The following KDM2B variants were observed in gnomAD, a reference collection of about 807,000 sequenced individuals.
The protein encoded by KDM2B is lysine demethylase 2B.
In KDM2B, 26 loss-of-function variants were observed where a neutral mutation model predicts 150.0. The observed-to-expected ratio is 0.17, with a 90% CI of 0.13 to 0.24. The LOEUF (loss-of-function observed/expected upper bound fraction) is 0.24. Among genes scored for constraint, KDM2B ranks in the 10% least tolerant of loss-of-function variants. The pLI, the probability that KDM2B is intolerant of heterozygous loss-of-function variation, is 1.00. For synonymous variants in KDM2B, 734 were observed against 729.5 expected (o/e 1.01, Z -0.10); for missense variants, 1,265 against 1,816.9 (o/e 0.70, Z 5.52).
chr12:121,462,743 C>T (rs1555293965), intron 12 of KDM2B, among the ~76,000 whole-genome samples: 1 of 152,034 alleles, frequency 6.6e-6, no homozygotes, highest in East Asian at 1.9e-4. Flanking sequence ...TCGCCCGTCT[C>T]AGCCTCCCAA....
intron 6 of KDM2B, among the ~76,000 whole-genome samples, chr12:121,545,562 G>A (rs1435430373): frequency 6.6e-6 from 1 of 152,042 alleles, no homozygotes; most frequent in Admixed American, 6.6e-5. Context: ...TGAAATCTGT[G>A]TCACCCAGCG....
rs1258230028 is a variant in KDM2B, at chr12:121,520,404, A to G, written c.1047+581T>C. ...AGGGAAACTTGACGTCTGGGAAACTAGCACCGTCCCTGTCAAGGGCAGAGA... is the reference window on the plus strand; with the variant it reads ...AGGGAAACTTGACGTCTGGGAAACTGGCACCGTCCCTGTCAAGGGCAGAGA... On this transcript the variant is annotated intron_variant, in intron 9 of 22. Transcript: ENST00000377071. The surrounding 1 kb of genome is among the most constrained non-coding windows in gnomAD (Gnocchi z 4.5). Among the ~76,000 whole-genome samples the G allele has an allele frequency of 6.6e-6, 1 of 152,088 alleles. No homozygotes were observed. Among genetic ancestry groups the G allele is most frequent in the African/African-American group, 2.4e-5 (1 of 41,408 alleles).
the KDM2B span, among the ~76,000 whole-genome samples, chr12:121,422,517 C>T: frequency 2.0e-5 from 3 of 152,222 alleles, no homozygotes; most frequent in East Asian, 1.9e-4. Flanking sequence ...CACCAGTAGT[C>T]GTGGGCCATG....
intron 22 of KDM2B, among the ~76,000 whole-genome samples, chr12:121,436,021 T>G (rs1434274749): frequency 1.3e-5 from 2 of 151,956 alleles, no homozygotes; most frequent in African/African-American, 4.8e-5. Context: ...GAGAAGAAAA[T>G]AAAACAATCA....
intron 12 of KDM2B, among the ~76,000 whole-genome samples, chr12:121,458,006 G>A (rs1878528616): frequency 6.6e-6 from 1 of 152,178 alleles, no homozygotes; most frequent in Non-Finnish European, 1.5e-5. Context: ...AGACATCCGT[G>A]TTCATGAATT....
At chr12:121,410,111 G>A in the KDM2B span, among the ~76,000 whole-genome samples, 1 of 151,988 alleles carries the variant, frequency 6.6e-6, no homozygotes, top group Non-Finnish European at 1.5e-5. Flanking sequence ...CCAAGATCGT[G>A]CCATCGCACT....
chr12:121,443,340 G>GC (rs1385264324), intron 17 of KDM2B: 2 of 578,526 alleles, frequency 3.5e-6, no homozygotes, highest in East Asian at 5.9e-5. Flanking sequence ...CTGGAGCACA[G>GC]CCCTGTGGGA....
intron 22 of KDM2B, among the ~76,000 whole-genome samples, chr12:121,432,776 C>T (rs1555285846): frequency 6.6e-6 from 1 of 152,248 alleles, no homozygotes; most frequent in Non-Finnish European, 1.5e-5. Flanking sequence ...CGTCTCATTC[C>T]TTACTCAGAT....
Position 121,501,557 on chromosome 12 carries a change from T to C in KDM2B, c.1648-6892A>G, listed in dbSNP as rs536372190. On this transcript the variant is annotated intron_variant, in intron 11 of 22. Coordinates refer to ENST00000377071, the MANE Select transcript of KDM2B (RefSeq NM_032590.5). ...GCGAGCAGAGCCCCGCTGACTCTTT[T>C]ATTTCTGACTTCTGGCCCCCCAGGA... Among the ~76,000 whole-genome samples, 127 of 152,290 alleles carry C rather than the reference T, an allele frequency of 8.3e-4. 1 individual carries two copies. The highest frequency in any genetic ancestry group is 1.2e-3 in the Non-Finnish European group (84 of 68,024).
intron 4 of KDM2B, among the ~76,000 whole-genome samples, chr12:121,563,734 C>T (rs1431477897): frequency 1.3e-5 from 2 of 151,760 alleles, no homozygotes; most frequent in South Asian, 2.1e-4. Context: ...GCCTGGCCAA[C>T]GTGGTGAAAC....
Position 121,430,138 on chromosome 12 carries a change from G to C in KDM2B, c.*150C>G, listed in dbSNP as rs1555285103. ...GGCTCACTCATCCCCCAAACGGGTGGTTGAACAGCTTCTCCCTTGGAAAGA... is the reference window on the plus strand; with the variant it reads ...GGCTCACTCATCCCCCAAACGGGTGCTTGAACAGCTTCTCCCTTGGAAAGA... On this transcript the variant is annotated 3_prime_UTR_variant, in exon 23 of 23. Coordinates refer to ENST00000377071, the MANE Select transcript of KDM2B (RefSeq NM_032590.5). This position sits in a 1 kb window ranked among gnomAD's most constrained non-coding sequence, Gnocchi z 4.4. The C allele has an allele frequency of 6.2e-7, 1 of 1,614,044 alleles. No individual in the cohort carries two copies. Among genetic ancestry groups the C allele is most frequent in the Non-Finnish European group, 8.5e-7 (1 of 1,180,018 alleles).
Position 121,520,295 on chromosome 12 carries a change from C to T in KDM2B, c.1047+690G>A, listed in dbSNP as rs141313461. On this transcript the variant is annotated intron_variant, in intron 9 of 22. Transcript: ENST00000377071. This position sits in a 1 kb window ranked among gnomAD's most constrained non-coding sequence, Gnocchi z 4.5. ...GCCATGGCAAGTTCAGGCCACTTGT[C>T]CTTTTCAGGGGACACTTGTGGAGCG... 9.5e-4 allele frequency among the ~76,000 whole-genome samples: 145 copies of T among 152,238 alleles called. No individual in the cohort carries two copies. The highest frequency in any genetic ancestry group is 1.5e-3 in the Non-Finnish European group (101 of 68,014).
the KDM2B span, chr12:121,423,740 G>A: frequency 1.5e-6 from 1 of 651,534 alleles, no homozygotes. The surrounding 1 kb of genome is among the most constrained non-coding windows in gnomAD (Gnocchi z 4.3). Context: ...TGGAAACATT[G>A]GTCCATGCCG....
chr12:121,534,808 A>G (rs1555308453), intron 6 of KDM2B: 4 of 531,926 alleles, frequency 7.5e-6, no homozygotes, highest in Non-Finnish European at 1.3e-5. Context: ...TCGCCTACCT[A>G]CCCCAGAGGC....
chr12:121,422,945 G>A, the KDM2B span, among the ~76,000 whole-genome samples: 1 of 152,156 alleles, frequency 6.6e-6, no homozygotes, highest in Non-Finnish European at 1.5e-5. Flanking sequence ...TTCCTACTGA[G>A]ATGAGGCTCC....
intron 12 of KDM2B, among the ~76,000 whole-genome samples, chr12:121,478,895 T>TGTGTGTGTGTGTGTGTGTG (rs1593889289): frequency 6.6e-6 from 1 of 151,260 alleles, no homozygotes; most frequent in Non-Finnish European, 1.5e-5. Context: ...TGTGTGTGTG[T>TGTGTGTGTGTGTGTGTGTG]TTTGTAGAGA....
chr12:121,493,477 C>T (rs1593939194), intron 12 of KDM2B, among the ~76,000 whole-genome samples: 3 of 152,104 alleles, frequency 2.0e-5, no homozygotes, highest in Admixed American at 6.6e-5. Flanking sequence ...TGGAGGCAGA[C>T]GGATGGTACA....
At chr12:121,577,378 G>C (rs1555317012) in intron 2 of KDM2B, among the ~76,000 whole-genome samples, 1 of 152,170 alleles carries the variant, frequency 6.6e-6, no homozygotes, top group African/African-American at 2.4e-5. Flanking sequence ...AGTAAAAATG[G>C]GGGAAGAAAG....
intron 4 of KDM2B, among the ~76,000 whole-genome samples, chr12:121,566,980 C>G (rs988255921): frequency 6.6e-6 from 1 of 151,952 alleles, no homozygotes; most frequent in African/African-American, 2.4e-5. Context: ...CTCCCAGGTT[C>G]AGGTGATTCT....
Sources: allele counts gnomAD v4.1 joint callset (sites outside exome capture counted in the v4.1 genomes callset), GRCh38; gene constraint gnomAD v4.1.1; non-coding constraint Gnocchi (gnomAD v3.1); transcripts MANE v1.5; gene names NCBI Gene and HGNC (gene_info 2026-07-23, HGNC 2026-07-21).